CLASRP: variants seen among roughly 807,000 people sequenced by gnomAD.
The protein encoded by CLASRP is CLK4 associating serine/arginine rich protein, also known as CLK4-associating serine/arginine rich protein.
A neutral mutation model predicts 99.9 loss-of-function variants in CLASRP; 52 were observed. The ratio of observed to expected loss-of-function variants is 0.52; its 90% CI spans 0.42 to 0.66. The LOEUF is 0.66. Among genes scored for constraint, CLASRP ranks in the 30% least tolerant of loss-of-function variants. The pLI is 0.00. For missense variants in CLASRP, 848 were observed against 999.2 expected (o/e 0.85, Z 2.04); for synonymous variants, 379 against 373.0 (o/e 1.02, Z -0.18).
chr19:45,062,221 AT>A (rs1966956146), intron 11 of CLASRP, 26 bp downstream of exon 11: 1 of 1,355,574 alleles, frequency 7.4e-7, no homozygotes, highest in African/African-American at 1.4e-5. Flanking sequence ...GGACCAGGGA[AT>A]AGCAGACAGG....
intron 2 of CLASRP, among the ~76,000 whole-genome samples, chr19:45,044,294 G>A (rs182688049): frequency 5.3e-5 from 8 of 152,360 alleles, no homozygotes; most frequent in Non-Finnish European, 7.3e-5. Context: ...CTGTGTTAAA[G>A]GTGATGCCAC....
chr19:45,066,915 G>A (rs545633992), intron 13 of CLASRP, among the ~76,000 whole-genome samples: 3 of 152,210 alleles, frequency 2.0e-5, no homozygotes, highest in Admixed American at 1.3e-4. Context: ...CACTATTGTC[G>A]AGACCCTGGA....
In CLASRP at chr19:45,067,676, A is replaced by G. The variant is rs1487876251; in HGVS notation, c.1667+82A>G. Reference sequence around the variant, plus strand: ...CATCACTGTTTTCTTTTTGAGGGGAACTTAGCCCTACCCTGGGAGGTCTGG... The same window carrying G: ...CATCACTGTTTTCTTTTTGAGGGGAGCTTAGCCCTACCCTGGGAGGTCTGG... On this transcript the variant is annotated intron_variant, in intron 14 of 20. Coordinates refer to ENST00000221455, the MANE Select transcript of CLASRP (RefSeq NM_007056.3). This position sits in a 1 kb window ranked among gnomAD's most constrained non-coding sequence, Gnocchi z 4.9. The G allele has an allele frequency of 2.3e-6, 3 of 1,305,900 alleles. No individual in the cohort carries two copies. The highest frequency in any genetic ancestry group is 2.1e-6 in the Non-Finnish European group (2 of 954,356). The allele number at this position is 1,305,900 out of a possible 1,614,324, so 80.9% of individuals were successfully genotyped here.
intron 2 of CLASRP, among the ~76,000 whole-genome samples, chr19:45,043,273 G>A (rs902817905): frequency 3.3e-5 from 5 of 150,456 alleles, no homozygotes; most frequent in Non-Finnish European, 5.9e-5. Flanking sequence ...TTAGCTGGGC[G>A]TGGTGGTGGG....
Position 45,070,068 on chromosome 19 carries a change from T to C in CLASRP, c.1921T>C (p.Tyr641His). ...EKEREEWERQYSRQSRSPSPR... is the reference protein window; with the variant it reads ...EKEREEWERQHSRQSRSPSPR... The stretch of plus-strand genomic sequence containing the variant: ...GGAGAGAGAAGAGTGGGAACGCCAG[T>C]ACAGCCGGCAGAGCCGCTCACCCTC... Residue 641 changes from tyrosine (Y) to histidine (H), a missense_variant, in exon 19 of 21, where the codon TAC becomes CAC. Physicochemically the swap from Tyr to His is moderately conservative, Grantham distance 83. Transcript: ENST00000221455. 6.2e-7 allele frequency: 1 copy of C among 1,609,806 alleles called. No individual in the cohort carries two copies. Among genetic ancestry groups the C allele is most frequent in the Non-Finnish European group, 8.5e-7 (1 of 1,176,144 alleles).
intron 18 of CLASRP, 37 bp from the exon 19 acceptor site, chr19:45,069,985 G>A: frequency 8.4e-7 from 1 of 1,189,696 alleles, no homozygotes; most frequent in South Asian, 1.2e-5. Flanking sequence ...AGTGTGTCCA[G>A]TGTTCCCGGC....
chr19:45,057,325 G>A (rs1250286424), intron 6 of CLASRP, among the ~76,000 whole-genome samples: 2 of 152,172 alleles, frequency 1.3e-5, no homozygotes, highest in African/African-American at 4.8e-5. Flanking sequence ...GGAGCTTCTT[G>A]GAGACTTCAG....
chr19:45,062,279 C>A, intron 11 of CLASRP, 84 bp downstream of exon 11: 1 of 855,306 alleles, frequency 1.2e-6, no homozygotes, highest in Non-Finnish European at 2.0e-6. Flanking sequence ...ATGGGAGGTT[C>A]ACCCTGCTAG....
intron 19 of CLASRP, 124 bp from the exon 20 acceptor site, chr19:45,070,413 C>T: frequency 2.3e-6 from 2 of 881,090 alleles, no homozygotes; most frequent in South Asian, 2.7e-5. Flanking sequence ...ACTGGACTCT[C>T]TGGAAATGTC....
At chr19:45,043,900 G>C (rs78107046) in intron 2 of CLASRP, among the ~76,000 whole-genome samples, 1 of 148,446 alleles carries the variant, frequency 6.7e-6, no homozygotes, top group Admixed American at 6.7e-5. Context: ...TTTTTTTTTT[G>C]AGATGGAGTC....
chr19:45,055,314 G>T (rs1972100684), intron 5 of CLASRP, among the ~76,000 whole-genome samples: 1 of 152,248 alleles, frequency 6.6e-6, no homozygotes, highest in Non-Finnish European at 1.5e-5. Context: ...AGCAGCCTGT[G>T]CAAAGCCCTG....
intron 3 of CLASRP, 36 bp from the exon 4 acceptor site, chr19:45,052,755 T>G: frequency 3.3e-6 from 5 of 1,506,468 alleles, no homozygotes; most frequent in South Asian, 2.3e-5. Flanking sequence ...GTATGGACCC[T>G]GAGGTTCTTG....
chr19:45,070,663 AGTTGG>A, intron 20 of CLASRP, 102 bp downstream of exon 20: 1 of 1,321,760 alleles, frequency 7.6e-7, no homozygotes, highest in Non-Finnish European at 1.1e-6. Context: ...ACCCACCTCC[AGTTGG>A]AGGGGCTGGT....
Position 45,070,855 on chromosome 19 carries a change from T to G in CLASRP, c.*10T>G, listed in dbSNP as rs201269048. 0.059 allele frequency: 62,668 copies of G among 1,066,082 alleles called. 1,516 individuals carry two copies. The highest frequency in any genetic ancestry group is 0.07 in the Non-Finnish European group (53,027 of 759,130). 66.0% of individuals were successfully genotyped at this position (1,066,082 alleles called of 1,614,324 possible). ...CCATTACCGACATTAGGCAGAAGAG[T>G]GGGGGGTGGGGAGGACAAGGGGGTG... On this transcript the variant is annotated 3_prime_UTR_variant, in exon 21 of 21. Transcript: ENST00000221455.
chr19:45,042,527 A>ATATATATATATG (rs202206503), intron 2 of CLASRP, among the ~76,000 whole-genome samples: 2 of 151,554 alleles, frequency 1.3e-5, no homozygotes, highest in African/African-American at 4.8e-5. Context: ...ATATATATAT[A>ATATATATATATG]TGTGTGTGTA....
chr19:45,044,888 A>G lies in CLASRP; in HGVS notation c.99+4577A>G, dbSNP rs144519581. On this transcript the variant is annotated intron_variant, in intron 2 of 20. Coordinates refer to ENST00000221455, the MANE Select transcript of CLASRP (RefSeq NM_007056.3). ...CAAATTCTAGCGATCCCACTTATCT[A>G]TAGTGTGACGTGGGCAAGTGACTGC... Among the ~76,000 whole-genome samples the G allele has an allele frequency of 1.0e-3, 156 of 152,310 alleles. 1 individual carries two copies. Among genetic ancestry groups the G allele is most frequent in the African/African-American group, 3.5e-3 (147 of 41,562 alleles).
In CLASRP at chr19:45,067,606, G is replaced by A. The variant is rs765039950; in HGVS notation, c.1667+12G>A. 4.1e-5 allele frequency: 64 copies of A among 1,577,424 alleles called. No homozygotes were observed. In the Admixed American group the frequency reaches 9.1e-4, roughly 23 times the overall value. On this transcript the variant is annotated intron_variant, in intron 14 of 20. Coordinates refer to ENST00000221455, the MANE Select transcript of CLASRP (RefSeq NM_007056.3). The surrounding 1 kb of genome is among the most constrained non-coding windows in gnomAD (Gnocchi z 4.9). ...GAGAAGCTGAAAAAGTGAGCGGGGC[G>A]GGTCTGGAGGAAGAGGGCTGCCAAT...
chr19:45,057,276 G>A (rs1568416520), intron 6 of CLASRP, among the ~76,000 whole-genome samples: 1 of 152,146 alleles, frequency 6.6e-6, no homozygotes, highest in East Asian at 1.9e-4. Flanking sequence ...ACTGCTTGCC[G>A]CCTTCCTCCA....
chr19:45,068,030 T>G lies in CLASRP; in HGVS notation c.1683T>G (p.Ala561=). The G allele has an allele frequency of 6.2e-7, 1 of 1,613,820 alleles. No individual in the cohort carries two copies. Among genetic ancestry groups the G allele is most frequent in the South Asian group, 1.1e-5 (1 of 91,078 alleles). ...CCCCACCCAGGACCGAACCTGCCGC[T>G]GGTAAAGAGACAGGAGCTGCCAAAG... ...GEKLKKTEPA[A]GKETGAAKPK... is the part of the protein sequence containing the mutation. The change falls in exon 15 of 21, where the codon GCT becomes GCG. Residue 561 remains alanine (A), a synonymous_variant. Transcript: ENST00000221455.
Sources: allele counts gnomAD v4.1 joint callset (sites outside exome capture counted in the v4.1 genomes callset), GRCh38; gene constraint gnomAD v4.1.1; non-coding constraint Gnocchi (gnomAD v3.1); transcripts MANE v1.5; gene names NCBI Gene and HGNC (gene_info 2026-07-23, HGNC 2026-07-21).